The following CLIP4 variants were observed in gnomAD, a reference collection of about 807,000 sequenced individuals.
The protein encoded by CLIP4 is CAP-Gly domain containing linker protein family member 4.
Under a neutral mutation model 73.1 loss-of-function variants are expected in CLIP4, and 47 were observed. The ratio of observed to expected loss-of-function variants is 0.64; its 90% CI spans 0.51 to 0.82. CLIP4 has a LOEUF of 0.82. Ranked by LOEUF, CLIP4 falls within the 40% of genes least tolerant of loss-of-function variation. The pLI is 0.00. For synonymous variants in CLIP4, 306 were observed against 295.4 expected (o/e 1.04, Z -0.37); for missense variants, 874 against 852.9 (o/e 1.02, Z -0.31).
intron 2 of CLIP4, among the ~76,000 whole-genome samples, chr2:29,126,304 A>G (rs1372679579): frequency 6.6e-6 from 1 of 152,248 alleles, no homozygotes; most frequent in Non-Finnish European, 1.5e-5. Flanking sequence ...AGATATGTTA[A>G]TATATTATTG....
At chr2:29,151,975 A>G (rs1203710323) in intron 8 of CLIP4, among the ~76,000 whole-genome samples, 1 of 152,004 alleles carries the variant, frequency 6.6e-6, no homozygotes, top group Non-Finnish European at 1.5e-5. Context: ...CCCAAAGTAC[A>G]CTGTATTGTT....
intron 1 of CLIP4, among the ~76,000 whole-genome samples, chr2:29,099,933 C>G (rs1558500766): frequency 6.6e-6 from 1 of 152,156 alleles, no homozygotes; most frequent in Non-Finnish European, 1.5e-5. Flanking sequence ...CTCTTTCTCT[C>G]TCTCTTTTTG....
intron 3 of CLIP4, 103 bp from the exon 4 acceptor site, chr2:29,132,049 G>T: frequency 1.3e-6 from 1 of 767,642 alleles, no homozygotes; most frequent in Non-Finnish European, 2.2e-6. Flanking sequence ...TTACTGAGAA[G>T]TAATTCAGAT....
chr2:29,143,352 T>A (rs1665909371), intron 6 of CLIP4, among the ~76,000 whole-genome samples: 1 of 151,272 alleles, frequency 6.6e-6, no homozygotes, highest in African/African-American at 2.4e-5. Context: ...ATCTAAAGAG[T>A]TTCCCCTACA....
intron 1 of CLIP4, among the ~76,000 whole-genome samples, chr2:29,102,409 C>T (rs892303279): frequency 8.5e-5 from 13 of 152,164 alleles, no homozygotes; most frequent in East Asian, 3.9e-4. Flanking sequence ...TCTAGGTATC[C>T]GCCCCTTCTC....
intron 4 of CLIP4, among the ~76,000 whole-genome samples, chr2:29,133,356 G>A (rs1298193994): frequency 6.6e-6 from 1 of 152,084 alleles, no homozygotes; most frequent in African/African-American, 2.4e-5. Flanking sequence ...TGTTGTTGAT[G>A]GCTTCATAGC....
At chr2:29,134,352 AT>A (rs143963328) in intron 5 of CLIP4, among the ~76,000 whole-genome samples, 166 of 152,088 alleles carry the variant, frequency 1.1e-3, no homozygotes, top group African/African-American at 3.8e-3. Context: ...TTGGGGCCCA[AT>A]TTTCTTTTCT....
At chr2:29,161,520 T>C (rs1667291198) in intron 12 of CLIP4, among the ~76,000 whole-genome samples, 1 of 152,138 alleles carries the variant, frequency 6.6e-6, no homozygotes, top group Admixed American at 6.5e-5. Context: ...CACAGTTTCA[T>C]AGATGTTGGT....
chr2:29,098,930 GT>G (rs1378529748), intron 1 of CLIP4, among the ~76,000 whole-genome samples: 1 of 151,288 alleles, frequency 6.6e-6, no homozygotes, highest in Non-Finnish European at 1.5e-5. Context: ...GCATCTCATG[GT>G]TGTTTTAATC....
intron 7 of CLIP4, among the ~76,000 whole-genome samples, chr2:29,145,010 T>A (rs1202801680): frequency 6.6e-6 from 1 of 151,762 alleles, no homozygotes; most frequent in Non-Finnish European, 1.5e-5. Context: ...CCCTTATTAT[T>A]ATTTAATGTT....
At chr2:29,149,831 T>A (rs1402807207) in intron 8 of CLIP4, among the ~76,000 whole-genome samples, 1 of 152,052 alleles carries the variant, frequency 6.6e-6, no homozygotes, top group Non-Finnish European at 1.5e-5. Flanking sequence ...AATACACAAA[T>A]ATACTTTAGC....
At position 29,139,910 on chromosome 2, in the gene CLIP4, T is replaced by C. The variant is rs77157755; in HGVS notation, c.649-3799T>C. Among the ~76,000 whole-genome samples the C allele has an allele frequency of 2.7e-4, 41 of 152,254 alleles. No homozygotes were observed. The East Asian group carries it at 7.5e-3, about 28-fold the overall frequency. The stretch of plus-strand genomic sequence containing the variant: ...TTTAGCTAGCAGTCTGTCAATCTTA[T>C]TGTTTCAAAGAACCATCTTTTCATT... On this transcript the variant is annotated intron_variant, in intron 6 of 15. Transcript: ENST00000320081.
chr2:29,106,071 G>A (rs201738981), intron 1 of CLIP4, among the ~76,000 whole-genome samples: 2 of 120,674 alleles, frequency 1.7e-5, no homozygotes, highest in Admixed American at 8.5e-5. Context: ...TTTTTTTTTT[G>A]AGACAGCATT....
chr2:29,140,776 C>T (rs1665710390), intron 6 of CLIP4, among the ~76,000 whole-genome samples: 1 of 152,216 alleles, frequency 6.6e-6, no homozygotes, highest in Admixed American at 6.5e-5. Context: ...GCCATTCTAA[C>T]AGGTGTGAGA....
chr2:29,133,924 AT>A lies in CLIP4; in HGVS notation c.529+109del. 6 of 899,294 alleles carry A rather than the reference AT, an allele frequency of 6.7e-6. 1 individual carries two copies. In the South Asian group the frequency reaches 1.2e-4, roughly 18 times the overall value. 55.7% of individuals were successfully genotyped at this position (899,294 alleles called of 1,614,324 possible). On this transcript the variant is annotated intron_variant, in intron 5 of 15. Transcript: ENST00000320081. ...TTCCTTCTAATCCATCTTGTTTCAT[AT>A]GCCTTTCTACTCCATTTTATTTCTG...
At chr2:29,145,496 G>C in intron 8 of CLIP4, 129 bp downstream of exon 8, 1 of 705,994 alleles carries the variant, frequency 1.4e-6, no homozygotes, top group Non-Finnish European at 2.2e-6. Context: ...TGGATGTAGG[G>C]AGGACTTTTT....
intron 14 of CLIP4, among the ~76,000 whole-genome samples, chr2:29,171,244 A>T (rs537080715): frequency 1.3e-5 from 2 of 152,264 alleles, no homozygotes; most frequent in South Asian, 4.1e-4. Flanking sequence ...CTATCTCTCC[A>T]TTTATTTATA....
At chr2:29,144,435 A>G (rs1666003338) in intron 7 of CLIP4, among the ~76,000 whole-genome samples, 1 of 152,170 alleles carries the variant, frequency 6.6e-6, no homozygotes, top group East Asian at 1.9e-4. Context: ...CATCATCCAG[A>G]CACCTTTTTT....
chr2:29,147,013 T>G (rs1666215398), intron 8 of CLIP4, among the ~76,000 whole-genome samples: 1 of 152,214 alleles, frequency 6.6e-6, no homozygotes, highest in African/African-American at 2.4e-5. Flanking sequence ...TTTATAAAAA[T>G]GCTGATTGTA....
Sources: gnomAD v4.1 joint callset for allele counts (sites outside exome capture counted in the v4.1 genomes callset) on GRCh38, gnomAD v4.1.1 for gene constraint, MANE v1.5 for transcripts, NCBI Gene and HGNC (gene_info 2026-07-23, HGNC 2026-07-21) for gene names.